ADTRP: variants seen among roughly 807,000 people sequenced by gnomAD.
ADTRP encodes the protein androgen dependent TFPI regulating protein, also known as androgen-dependent TFPI-regulating protein.
Under a neutral mutation model 27.0 loss-of-function variants are expected in ADTRP, and 20 were observed. The ratio of observed to expected loss-of-function variants is 0.74; its 90% confidence interval spans 0.52 to 1.08. ADTRP has a LOEUF of 1.08. Ranked by LOEUF, ADTRP falls within the 50% of genes least tolerant of loss-of-function variation. The probability of loss-of-function intolerance (pLI) is 0.00; values close to 1 mark genes in which losing one functional copy is unlikely to be tolerated. For synonymous variants in ADTRP, 101 were observed against 105.2 expected, an observed-to-expected ratio of 0.96 and a Z score of 0.25; for missense variants, 251 against 275.0, an observed-to-expected ratio of 0.91 and a Z score of 0.62.
intron 4 of ADTRP, among the ~76,000 whole-genome samples, chr6:11,730,273 T>C (rs1762344072): frequency 6.6e-6 from 1 of 152,196 alleles, no homozygotes; most frequent in African/African-American, 2.4e-5. Context: ...GGATTTCTTC[T>C]GTGGAAAATG....
At chr6:11,750,419 G>A (rs140855936) in intron 3 of ADTRP, among the ~76,000 whole-genome samples, 14 of 152,320 alleles carry the variant, frequency 9.2e-5, no homozygotes, top group African/African-American at 3.4e-4. Flanking sequence ...AATCCTGGGT[G>A]CATTAAAACC....
Position 11,734,369 on chromosome 6 carries a change from A to T in ADTRP, c.506+1199T>A, listed in dbSNP as rs543243272. On this transcript the variant is annotated intron_variant, in intron 4 of 5. Coordinates refer to ENST00000414691, the MANE Select transcript of ADTRP (RefSeq NM_032744.4). ...AATCCTTTTCAACAGAGTGCTCCAG[A>T]CATCAACTATCAGTAGGACCCAAGC... 2.0e-5 allele frequency among the ~76,000 whole-genome samples: 3 copies of T among 152,372 alleles called. No individual in the cohort carries two copies. The East Asian group carries it at 5.8e-4, about 29-fold the overall frequency.
intron 4 of ADTRP, among the ~76,000 whole-genome samples, chr6:11,735,163 C>T (rs909089477): frequency 3.9e-5 from 6 of 152,184 alleles, no homozygotes; most frequent in African/African-American, 1.2e-4. Flanking sequence ...AGTGGACAAA[C>T]CTAGCATGCT....
intron 1 of ADTRP, among the ~76,000 whole-genome samples, chr6:11,769,047 C>T (rs9470042): frequency 0.48 from 72,659 of 151,624 alleles, 18,487 homozygotes; most frequent in African/African-American, 0.65. Context: ...TGCTGTGTGG[C>T]CCCCAAAGCC....
At chr6:11,742,584 G>A (rs1341235147) in intron 3 of ADTRP, among the ~76,000 whole-genome samples, 1 of 152,144 alleles carries the variant, frequency 6.6e-6, no homozygotes. Context: ...AGAAATTAAA[G>A]TTTTCCCCCT....
intron 3 of ADTRP, among the ~76,000 whole-genome samples, chr6:11,756,251 G>A (rs1561765449): frequency 6.6e-6 from 1 of 152,004 alleles, no homozygotes; most frequent in African/African-American, 2.4e-5. Flanking sequence ...CTGTAAGTCC[G>A]GCTACTTGGG....
At chr6:11,769,452 G>A (rs1346000003) in intron 1 of ADTRP, among the ~76,000 whole-genome samples, 2 of 152,046 alleles carry the variant, frequency 1.3e-5, no homozygotes, top group Admixed American at 1.3e-4. Context: ...TACAGAGGTG[G>A]GTCAGACCAG....
intron 5 of ADTRP, chr6:11,717,224 G>A: frequency 8.0e-7 from 1 of 1,244,410 alleles, no homozygotes; most frequent in Non-Finnish European, 1.0e-6. Context: ...TAGGAAGTTA[G>A]ATTCACCCCG....
At chr6:11,772,217 T>A (rs1763807374) in intron 1 of ADTRP, among the ~76,000 whole-genome samples, 1 of 152,240 alleles carries the variant, frequency 6.6e-6, no homozygotes, top group Non-Finnish European at 1.5e-5. Flanking sequence ...CACTGCGTGT[T>A]CCGTGCCTTT....
At chr6:11,733,565 A>G (rs1385523048) in intron 4 of ADTRP, among the ~76,000 whole-genome samples, 1 of 152,206 alleles carries the variant, frequency 6.6e-6, no homozygotes, top group Non-Finnish European at 1.5e-5. Flanking sequence ...CTGTGTGCCC[A>G]TAGCATCCTG....
chr6:11,725,248 G>C (rs1045120509), intron 4 of ADTRP, among the ~76,000 whole-genome samples: 1 of 152,024 alleles, frequency 6.6e-6, no homozygotes, highest in Non-Finnish European at 1.5e-5. Context: ...CCATGGAATG[G>C]GAAACAATAT....
At chr6:11,758,478 C>T (rs187531997) in intron 3 of ADTRP, among the ~76,000 whole-genome samples, 5 of 143,114 alleles carry the variant, frequency 3.5e-5, no homozygotes, top group African/African-American at 1.3e-4. Flanking sequence ...GGACAAAAAA[C>T]CAAACACCGC....
At chr6:11,729,472 C>T (rs916412167) in intron 4 of ADTRP, among the ~76,000 whole-genome samples, 1 of 152,098 alleles carries the variant, frequency 6.6e-6, no homozygotes, top group Non-Finnish European at 1.5e-5. Flanking sequence ...TTCCTTGCTA[C>T]CTTTGCTGCT....
intron 3 of ADTRP, among the ~76,000 whole-genome samples, chr6:11,747,161 C>A (rs76441708): frequency 6.6e-6 from 1 of 152,160 alleles, no homozygotes; most frequent in African/African-American, 2.4e-5. Context: ...TCATGGTCTT[C>A]TCAGGAAAAA....
rs569055900 is a variant in ADTRP, at chr6:11,713,880, T to A, written c.*598A>T. ...AGACAGACAACTTCAGTAGTAGCCATCTCCCTACATTTTTAGATCACTGAA... is the reference window on the plus strand; with the variant it reads ...AGACAGACAACTTCAGTAGTAGCCAACTCCCTACATTTTTAGATCACTGAA... On this transcript the variant is annotated 3_prime_UTR_variant, in exon 6 of 6. Coordinates refer to ENST00000414691, the MANE Select transcript of ADTRP (RefSeq NM_032744.4). The A allele has an allele frequency of 6.6e-6, 1 of 152,142 alleles. No individual in the cohort carries two copies. Among genetic ancestry groups the A allele is most frequent in the South Asian group, 2.1e-4 (1 of 4,808 alleles). The allele number at this position is 152,142 out of a possible 1,614,324, so 9.4% of individuals were successfully genotyped here. A position where few individuals can be genotyped will look rare whatever the true frequency, so the allele number is the denominator to read the frequency against.
chr6:11,768,203 C>A, intron 2 of ADTRP, 46 bp downstream of exon 2: 1 of 1,608,836 alleles, frequency 6.2e-7, no homozygotes, highest in South Asian at 1.1e-5. Flanking sequence ...AGCGTCTGTC[C>A]ATATGCACAT....
At chr6:11,774,767 C>T (rs749836224) in intron 1 of ADTRP, among the ~76,000 whole-genome samples, 30 of 152,290 alleles carry the variant, frequency 2.0e-4, no homozygotes, top group South Asian at 8.3e-4. Flanking sequence ...ATGAATTCTG[C>T]GAGCCAAGCT....
intron 4 of ADTRP, among the ~76,000 whole-genome samples, chr6:11,730,272 CTG>C (rs2113889783): frequency 6.6e-6 from 1 of 152,270 alleles, no homozygotes; most frequent in African/African-American, 2.4e-5. Context: ...AGGATTTCTT[CTG>C]TGGAAAATGG....
Position 11,714,414 on chromosome 6 carries a change from A to T in ADTRP, c.*64T>A. On this transcript the variant is annotated 3_prime_UTR_variant, in exon 6 of 6. Transcript: ENST00000414691. Reference sequence around the variant, plus strand: ...ACCACCTCCCTCCACCAGAAAAAAAAAAAAAAGATGAGAAAAATCTCTTGT... The same window carrying T: ...ACCACCTCCCTCCACCAGAAAAAAATAAAAAAGATGAGAAAAATCTCTTGT... The T allele has an allele frequency of 6.3e-7, 1 of 1,587,480 alleles. No homozygotes were observed. The highest frequency in any genetic ancestry group is 8.5e-7 in the Non-Finnish European group (1 of 1,170,542).
Sources: allele counts gnomAD v4.1 joint callset (sites outside exome capture counted in the v4.1 genomes callset), GRCh38; gene constraint gnomAD v4.1.1; transcripts MANE v1.5; gene names NCBI Gene and HGNC (gene_info 2026-07-23, HGNC 2026-07-21).